The following SETBP1 variants were observed in gnomAD, a reference collection of about 807,000 sequenced individuals.
The protein encoded by SETBP1 is SET-binding protein.
In SETBP1, 9 loss-of-function variants were observed where a neutral mutation model predicts 101.0. The ratio of observed to expected loss-of-function variants is 0.09; its 90% CI spans 0.05 to 0.16. The LOEUF is 0.16. Ranked by LOEUF, SETBP1 falls within the 10% of genes least tolerant of loss-of-function variation. The pLI, the probability that SETBP1 is intolerant of heterozygous loss-of-function variation, is 1.00. For missense variants in SETBP1, 1,858 were observed against 2,033.8 expected, an observed-to-expected ratio of 0.91 and a Z score of 1.66; for synonymous variants, 818 against 788.5, an observed-to-expected ratio of 1.04 and a Z score of -0.63.
At chr18:44,855,467 A>G (rs1275346458) in intron 2 of SETBP1, among the ~76,000 whole-genome samples, 1 of 152,186 alleles carries the variant, frequency 6.6e-6, no homozygotes, top group African/African-American at 2.4e-5. Flanking sequence ...AGTTGTTGGG[A>G]TGCCCTGTTC....
At chr18:45,032,240 A>T (rs1325148964) in intron 4 of SETBP1, among the ~76,000 whole-genome samples, 1 of 152,060 alleles carries the variant, frequency 6.6e-6, no homozygotes, top group Non-Finnish European at 1.5e-5. Flanking sequence ...CTGAGATCTC[A>T]TTTGCCTCCT....
intron 4 of SETBP1, among the ~76,000 whole-genome samples, chr18:45,023,595 G>A (rs916958634): frequency 1.5e-4 from 23 of 152,286 alleles, no homozygotes; most frequent in African/African-American, 5.1e-4. Flanking sequence ...GACAAAACTT[G>A]GCTTATTGGG....
intron 3 of SETBP1, among the ~76,000 whole-genome samples, chr18:44,897,754 A>T (rs888290471): frequency 6.6e-6 from 1 of 152,184 alleles, no homozygotes; most frequent in Non-Finnish European, 1.5e-5. Flanking sequence ...ATCTTTTTAG[A>T]TGGAGGAAGA....
At chr18:44,965,900 C>T (rs923049622) in intron 4 of SETBP1, among the ~76,000 whole-genome samples, 4 of 152,268 alleles carry the variant, frequency 2.6e-5, no homozygotes, top group South Asian at 4.2e-4. Flanking sequence ...CCTGGGACCC[C>T]AGAAACACTT....
chr18:44,743,302 A>C (rs776143869), intron 2 of SETBP1, among the ~76,000 whole-genome samples: 2 of 152,092 alleles, frequency 1.3e-5, no homozygotes, highest in Non-Finnish European at 2.9e-5. Flanking sequence ...AAAGCAGAAA[A>C]TGGAAAGGGG....
intron 4 of SETBP1, among the ~76,000 whole-genome samples, chr18:44,956,298 A>T (rs962067316): frequency 6.6e-6 from 1 of 152,082 alleles, no homozygotes; most frequent in African/African-American, 2.4e-5. Context: ...ATCACATAGA[A>T]TCCAGTGTCA....
At position 44,952,957 on chromosome 18, in the gene SETBP1, A is replaced by T. The variant is rs770033652; in HGVS notation, c.3617A>T (p.His1206Leu). 2 of 1,614,208 alleles carry T rather than the reference A, an allele frequency of 1.2e-6. No individual in the cohort carries two copies. The highest frequency in any genetic ancestry group is 1.7e-6 in the Non-Finnish European group (2 of 1,180,034). The stretch of plus-strand genomic sequence containing the variant: ...CCGCTGGTGAGTGAGAAGAACAAGC[A>T]TAAGGAGAAACAGAAGCACCAGCAC... ...ELPLVSEKNKHKEKQKHQHSE... is the reference protein window; with the variant it reads ...ELPLVSEKNKLKEKQKHQHSE... The change falls in exon 4 of 6, where the codon CAT (histidine) becomes CTT (leucine). Residue 1206 changes from histidine (H) to leucine (L), a missense_variant. Around this residue, in one of 12 missense-constraint regions of SETBP1, gnomAD observed 417 missense variants for 389.1 expected, o/e 1.07. Transcript: ENST00000649279.
At chr18:44,928,559 A>G (rs995397670) in intron 3 of SETBP1, among the ~76,000 whole-genome samples, 1 of 152,192 alleles carries the variant, frequency 6.6e-6, no homozygotes, top group Non-Finnish European at 1.5e-5. Flanking sequence ...GTGTAAAAGC[A>G]TTCCTATTTC....
At chr18:44,818,336 A>G (rs2072028361) in intron 2 of SETBP1, among the ~76,000 whole-genome samples, 1 of 152,206 alleles carries the variant, frequency 6.6e-6, no homozygotes, top group South Asian at 2.1e-4. Flanking sequence ...GAGTTCGTTG[A>G]TCTCAACCAA....
chr18:45,033,574 A>C (rs1160726822), intron 4 of SETBP1, among the ~76,000 whole-genome samples: 1 of 152,248 alleles, frequency 6.6e-6, no homozygotes, highest in Non-Finnish European at 1.5e-5. Flanking sequence ...CAACCATCCC[A>C]GTGGTGTCAG....
chr18:44,867,913 C>G (rs1271095659), intron 2 of SETBP1, among the ~76,000 whole-genome samples: 1 of 152,130 alleles, frequency 6.6e-6, no homozygotes, highest in Non-Finnish European at 1.5e-5. Context: ...CTTTCTTGAC[C>G]CAAACAAAAC....
intron 2 of SETBP1, among the ~76,000 whole-genome samples, chr18:44,855,568 A>C (rs960019369): frequency 6.6e-6 from 1 of 152,222 alleles, no homozygotes. Flanking sequence ...GGGCCAACTC[A>C]TGCTAGGTGG....
chr18:45,064,885 G>A lies in SETBP1; in HGVS notation c.*1187G>A, dbSNP rs747790728. 7.3e-5 allele frequency: 11 copies of A among 151,342 alleles called. No homozygotes were observed. The highest frequency in any genetic ancestry group is 1.6e-4 in the Non-Finnish European group (11 of 67,920). The allele number at this position is 151,342 out of a possible 1,614,324, so 9.4% of individuals were successfully genotyped here. Reference sequence around the variant, plus strand: ...TGATAATTATTTCTTAAAAGCAAATGGGAGTAAGTGTTCTTATCTGGAAAA... The same window carrying A: ...TGATAATTATTTCTTAAAAGCAAATAGGAGTAAGTGTTCTTATCTGGAAAA... On this transcript the variant is annotated 3_prime_UTR_variant, in exon 6 of 6. Transcript: ENST00000649279.
At chr18:44,850,586 G>T (rs1485577599) in intron 2 of SETBP1, among the ~76,000 whole-genome samples, 1 of 151,964 alleles carries the variant, frequency 6.6e-6, no homozygotes, top group Non-Finnish European at 1.5e-5. Flanking sequence ...GGTCAGGCTG[G>T]TCTCGAACTC....
intron 4 of SETBP1, among the ~76,000 whole-genome samples, chr18:44,972,255 C>T (rs189315846): frequency 6.6e-6 from 1 of 151,966 alleles, no homozygotes; most frequent in South Asian, 2.1e-4. Context: ...TGGTACCAGT[C>T]CCATGCTGTT....
At chr18:45,039,248 A>G (rs1471622931) in intron 5 of SETBP1, among the ~76,000 whole-genome samples, 2 of 152,178 alleles carry the variant, frequency 1.3e-5, no homozygotes, top group Admixed American at 6.5e-5. Context: ...AACAGTGGAT[A>G]AAATATAAAT....
chr18:44,869,257 A>T lies in SETBP1; in HGVS notation c.514A>T (p.Ser172Cys). 6.2e-7 allele frequency: 1 copy of T among 1,614,142 alleles called. No individual in the cohort carries two copies. Among genetic ancestry groups the T allele is most frequent in the Non-Finnish European group, 8.5e-7 (1 of 1,179,986 alleles). Residue 172 changes from serine to cysteine, a missense_variant, in exon 3 of 6, where the codon AGT becomes TGT. Physicochemically the swap from Ser to Cys is moderately radical, Grantham distance 112 (BLOSUM62 -1). Transcript: ENST00000649279. ...KLLTASDLAA[S>C]DLKGFQPQAY... ...CCTCACAGCCAGTGACCTTGCAGCCAGTGACCTCAAAGGATTTCAGCCACA... is the reference window on the plus strand; with the variant it reads ...CCTCACAGCCAGTGACCTTGCAGCCTGTGACCTCAAAGGATTTCAGCCACA...
chr18:44,832,693 G>A (rs1026432423), intron 2 of SETBP1, among the ~76,000 whole-genome samples: 5 of 152,158 alleles, frequency 3.3e-5, no homozygotes, highest in African/African-American at 1.2e-4. Flanking sequence ...GGGCTGATGG[G>A]CCCACCAGGT....
rs377011380 is a variant in SETBP1 at position 44,869,624 on chromosome 18, T to C, written c.540+341T>C. 4 of 358,934 alleles carry C rather than the reference T, an allele frequency of 1.1e-5. No homozygotes were observed. In the East Asian group the frequency reaches 2.8e-4, roughly 25 times the overall value. The allele number at this position is 358,934 out of a possible 1,614,324, so 22.2% of individuals were successfully genotyped here. On this transcript the variant is annotated intron_variant, in intron 3 of 5. Coordinates refer to ENST00000649279, the MANE Select transcript of SETBP1 (RefSeq NM_015559.3). Reference sequence around the variant, plus strand: ...GTGGGTTGGGTTTGGGGTTCTCCCCTGCATTTCTCTCTTTTTGGACAGGAC... The same window carrying C: ...GTGGGTTGGGTTTGGGGTTCTCCCCCGCATTTCTCTCTTTTTGGACAGGAC...
Sources: gnomAD v4.1 joint callset for allele counts (sites outside exome capture counted in the v4.1 genomes callset) on GRCh38, gnomAD v4.1.1 for gene constraint, gnomAD v4.1.1 regional missense constraint, MANE v1.5 for transcripts, NCBI Gene and HGNC (gene_info 2026-07-23, HGNC 2026-07-21) for gene names.